Variants in NEURL1 observed in about 807,000 individuals in gnomAD.
The protein encoded by NEURL1 is E3 ubiquitin-protein ligase NEURL1.
NEURL1 carries 26 observed loss-of-function variants against 41.2 expected under a neutral mutation model. The observed-to-expected ratio is 0.63, with a 90% CI of 0.46 to 0.87. The LOEUF (loss-of-function observed/expected upper bound fraction) is 0.87. Ranked by LOEUF, NEURL1 falls within the 40% of genes least tolerant of loss-of-function variation. The probability of loss-of-function intolerance (pLI) is 0.00; values close to 1 mark genes in which losing one functional copy is unlikely to be tolerated. For missense variants in NEURL1, 761 were observed against 871.1 expected, an observed-to-expected ratio of 0.87 and a Z score of 1.59; for synonymous variants, 400 against 402.3, an observed-to-expected ratio of 0.99 and a Z score of 0.07.
chr10:103,547,406 G>C (rs74154531), intron 1 of NEURL1, among the ~76,000 whole-genome samples: 8,430 of 152,328 alleles, frequency 0.055, 398 homozygotes, highest in African/African-American at 0.13. Context: ...CAGTATCTGA[G>C]CCCAAAGGTT....
chr10:103,520,217 G>T (rs879313348), intron 1 of NEURL1, among the ~76,000 whole-genome samples: 2 of 152,188 alleles, frequency 1.3e-5, no homozygotes, highest in Non-Finnish European at 1.5e-5. Context: ...TGTCACGTAC[G>T]TCCGTGTGAA....
chr10:103,567,214 C>T (rs541126432), intron 1 of NEURL1, among the ~76,000 whole-genome samples: 1 of 152,144 alleles, frequency 6.6e-6, no homozygotes, highest in Admixed American at 6.5e-5. Context: ...GAACTCCTGA[C>T]CTCAAGTGAT....
chr10:103,566,154 A>G lies in NEURL1; in HGVS notation c.86-4718A>G, dbSNP rs182682952. 3.3e-5 allele frequency among the ~76,000 whole-genome samples: 5 copies of G among 151,814 alleles called. No homozygotes were observed. The South Asian group carries it at 6.3e-4, about 19-fold the overall frequency. On this transcript the variant is annotated intron_variant, in intron 1 of 5. Transcript: ENST00000369780. This position sits in a 1 kb window ranked among gnomAD's most constrained non-coding sequence, Gnocchi z 4.2. ...ACCCAGGCTGAAGTGCAGTGGTGCT[A>G]TCATAGCTCACTGCAATCTCAAATT...
At chr10:103,537,845 C>T (rs1045890396) in intron 1 of NEURL1, among the ~76,000 whole-genome samples, 2 of 152,208 alleles carry the variant, frequency 1.3e-5, no homozygotes, top group African/African-American at 2.4e-5. Flanking sequence ...TGGACATTTC[C>T]GTCACCCTCA....
chr10:103,563,201 T>A (rs532672949), intron 1 of NEURL1, among the ~76,000 whole-genome samples: 53 of 152,296 alleles, frequency 3.5e-4, no homozygotes, highest in Admixed American at 1.0e-3. Flanking sequence ...TTTATATTTT[T>A]AAAAAAGACC....
chr10:103,515,455 A>G (rs2133851955), intron 1 of NEURL1: 1 of 152,394 alleles, frequency 6.6e-6, no homozygotes, highest in East Asian at 1.9e-4. Flanking sequence ...AATCCTAACT[A>G]GAAGGCCCCT....
In NEURL1 at chr10:103,556,403, AC is replaced by A. The variant is rs2035156263; in HGVS notation, c.86-14466del. ...GAGTCCCTGACGCACTCCCCTATGT[AC>A]CCTGCTCCCTGCTTGGATGGGGTAT... On this transcript the variant is annotated intron_variant, in intron 1 of 5. Coordinates refer to ENST00000369780, the MANE Select transcript of NEURL1 (RefSeq NM_004210.5). This position sits in a 1 kb window ranked among gnomAD's most constrained non-coding sequence, Gnocchi z 4.4. Among the ~76,000 whole-genome samples the A allele has an allele frequency of 6.6e-6, 1 of 151,894 alleles. No homozygotes were observed. Among genetic ancestry groups the A allele is most frequent in the South Asian group, 2.1e-4 (1 of 4,824 alleles).
At position 103,508,086 on chromosome 10, in the gene NEURL1, CAG is replaced by C. The variant is rs2033988873; in HGVS notation, c.85+13616_85+13617del. 6.6e-6 allele frequency among the ~76,000 whole-genome samples: 1 copy of C among 152,194 alleles called. No homozygotes were observed. Among genetic ancestry groups the C allele is most frequent in the Non-Finnish European group, 1.5e-5 (1 of 68,024 alleles). ...CTGGATGGATGGCCCTGTAGTAAAA[CAG>C]AATGCGGAAGAGCAGCTGAGAACCA... On this transcript the variant is annotated intron_variant, in intron 1 of 5. Transcript: ENST00000369780. This position sits in a 1 kb window ranked among gnomAD's most constrained non-coding sequence, Gnocchi z 4.3.
chr10:103,589,213 A>G (rs945309088), intron 4 of NEURL1, among the ~76,000 whole-genome samples: 1 of 152,190 alleles, frequency 6.6e-6, no homozygotes, highest in African/African-American at 2.4e-5. Context: ...GGTAGGTGCC[A>G]GGCAGGGGCC....
At chr10:103,583,659 T>C (rs955820526) in intron 3 of NEURL1, among the ~76,000 whole-genome samples, 38 of 121,214 alleles carry the variant, frequency 3.1e-4, no homozygotes, top group Non-Finnish European at 4.7e-5. Context: ...TAAGCTGAGA[T>C]ATCTCCACTG....
intron 1 of NEURL1, among the ~76,000 whole-genome samples, chr10:103,528,748 A>G (rs2034513252): frequency 6.6e-6 from 1 of 152,194 alleles, no homozygotes; most frequent in African/African-American, 2.4e-5. Flanking sequence ...TTCCAACCAA[A>G]CTAAATGATA....
chr10:103,587,238 A>C (rs145985421), intron 4 of NEURL1, among the ~76,000 whole-genome samples: 1 of 152,362 alleles, frequency 6.6e-6, no homozygotes, highest in African/African-American at 2.4e-5. Context: ...AGGGCAAGGA[A>C]ATTACATAAG....
chr10:103,520,997 A>G (rs894917135), intron 1 of NEURL1, among the ~76,000 whole-genome samples: 1 of 152,226 alleles, frequency 6.6e-6, no homozygotes, highest in African/African-American at 2.4e-5. Context: ...AGGACCCAGG[A>G]CATCCAATTA....
At chr10:103,500,415 G>A (rs2033796350) in intron 1 of NEURL1, among the ~76,000 whole-genome samples, 1 of 152,180 alleles carries the variant, frequency 6.6e-6, no homozygotes, top group South Asian at 2.1e-4. Flanking sequence ...GATGGGGCTG[G>A]GATTCAAAGC....
intron 1 of NEURL1, among the ~76,000 whole-genome samples, chr10:103,546,147 C>A (rs567244525): frequency 6.6e-6 from 1 of 152,188 alleles, no homozygotes; most frequent in Non-Finnish European, 1.5e-5. Context: ...GGATGACAGA[C>A]GTTTGCCACT....
Position 103,571,589 on chromosome 10 carries a change from C to G in NEURL1, c.416C>G (p.Pro139Arg). 6.2e-7 allele frequency: 1 copy of G among 1,613,980 alleles called. No individual in the cohort carries two copies. The highest frequency in any genetic ancestry group is 8.5e-7 in the Non-Finnish European group (1 of 1,180,004). Residue 139 changes from proline (P) to arginine (R), a missense_variant, in exon 3 of 6, where the codon CCC becomes CGC. By Grantham distance (103) the Pro-to-Arg change is moderately radical. Coordinates refer to ENST00000369780, the MANE Select transcript of NEURL1 (RefSeq NM_004210.5). ...TCCCGCATCCACCCTGACTCGCTGC[C>G]CAAGTACGCCTGCCCCGACCTGGTG... is the stretch of plus-strand genomic sequence containing the variant. ...DPSRIHPDSL[P>R]KYACPDLVSQ...
At chr10:103,499,199 C>CT (rs1378715633) in intron 1 of NEURL1, among the ~76,000 whole-genome samples, 1 of 152,156 alleles carries the variant, frequency 6.6e-6, no homozygotes, top group African/African-American at 2.4e-5. Flanking sequence ...TTTTCAGTCT[C>CT]TTTTCTATGA....
chr10:103,539,648 C>T (rs1463936815), intron 1 of NEURL1, among the ~76,000 whole-genome samples: 1 of 152,206 alleles, frequency 6.6e-6, no homozygotes, highest in Non-Finnish European at 1.5e-5. Context: ...GGGCATCAAT[C>T]AGAATGTTCT....
At chr10:103,560,313 A>T (rs1489991533) in intron 1 of NEURL1, among the ~76,000 whole-genome samples, 2 of 152,186 alleles carry the variant, frequency 1.3e-5, no homozygotes, top group African/African-American at 4.8e-5. Context: ...AAGAATTAAC[A>T]TTTGGAGTCC....
Sources: gnomAD v4.1 joint callset for allele counts (sites outside exome capture counted in the v4.1 genomes callset) on GRCh38, gnomAD v4.1.1 for gene constraint, Gnocchi (gnomAD v3.1) non-coding constraint, MANE v1.5 for transcripts, NCBI Gene and HGNC (gene_info 2026-07-23, HGNC 2026-07-21) for gene names.